ZNF98: variants seen among roughly 807,000 people sequenced by gnomAD.
The protein encoded by ZNF98 is zinc finger protein 98.
Under a neutral mutation model 12.8 loss-of-function variants are expected in ZNF98, and 8 were observed. The ratio of observed to expected loss-of-function variants is 0.63; its 90% confidence interval spans 0.37 to 1.13. The LOEUF is 1.13. Among genes scored for constraint, ZNF98 ranks in the 50% most tolerant of loss-of-function variants. ZNF98 has a pLI of 0.01. For missense variants in ZNF98, 379 were observed against 666.1 expected (o/e 0.57, Z 4.74); for synonymous variants, 112 against 223.5 (o/e 0.50, Z 4.45).
intron 3 of ZNF98, among the ~76,000 whole-genome samples, chr19:22,394,400 G>A (rs985939606): frequency 2.6e-5 from 4 of 151,946 alleles, no homozygotes; most frequent in South Asian, 2.1e-4. Context: ...CATTTATTGC[G>A]GCACTATTCA....
chr19:22,393,582 G>T (rs10425699), intron 3 of ZNF98, among the ~76,000 whole-genome samples: 63,540 of 151,342 alleles, frequency 0.42, 13,583 homozygotes, highest in Non-Finnish European at 0.46. Context: ...CAAGAAATGG[G>T]GAAAGGATTC....
intron 3 of ZNF98, among the ~76,000 whole-genome samples, chr19:22,402,166 A>T (rs1421324545): frequency 7.9e-6 from 1 of 127,062 alleles, no homozygotes; most frequent in African/African-American, 3.2e-5. Flanking sequence ...ACAGAGCAAG[A>T]CTCCATCTCA....
chr19:22,402,924 C>G (rs942696955), intron 2 of ZNF98, 40 bp from the exon 3 acceptor site: 2 of 1,520,276 alleles, frequency 1.3e-6, no homozygotes, highest in African/African-American at 2.8e-5. Flanking sequence ...CTCATATTCT[C>G]CAATTACCAA....
chr19:22,402,129 T>C (rs1191974052), intron 3 of ZNF98, among the ~76,000 whole-genome samples: 1 of 130,986 alleles, frequency 7.6e-6, no homozygotes, highest in African/African-American at 3.0e-5. Flanking sequence ...TTAGCCAAGA[T>C]GATGACACTC....
At chr19:22,411,327 G>A (rs567922021) in intron 1 of ZNF98, among the ~76,000 whole-genome samples, 13 of 152,244 alleles carry the variant, frequency 8.5e-5, no homozygotes, top group African/African-American at 2.2e-4. Context: ...GTGAGCCACC[G>A]CACCCAGCCC....
At chr19:22,421,509 T>G (rs1969703321) in intron 1 of ZNF98, among the ~76,000 whole-genome samples, 1 of 151,992 alleles carries the variant, frequency 6.6e-6, no homozygotes, top group South Asian at 2.1e-4. Context: ...TTAATAGAAA[T>G]TACTACATTG....
intron 1 of ZNF98, among the ~76,000 whole-genome samples, chr19:22,416,494 GT>G (rs1969644727): frequency 6.6e-6 from 1 of 151,616 alleles, no homozygotes; most frequent in African/African-American, 2.4e-5. Flanking sequence ...AAAGTATGGT[GT>G]CCGGGTGCAG....
chr19:22,401,627 G>A (rs1040065939), intron 3 of ZNF98, among the ~76,000 whole-genome samples: 1 of 151,692 alleles, frequency 6.6e-6, no homozygotes, highest in East Asian at 2.0e-4. Context: ...GGAATTACAG[G>A]CGCCTGTCAC....
At position 22,402,866 on chromosome 19, in the gene ZNF98, G is replaced by A. The variant is rs771905644; in HGVS notation, c.176C>T (p.Pro59Leu). The part of the protein sequence containing the change: ...LVFVGIAASK[P>L]DLITCLEQGK... Reference sequence around the variant, plus strand: ...TTGCTCCAGACAGGTGATCAGGTCTGGCTTAGAGGCAGCAATACCTGTTTT... The same window carrying A: ...TTGCTCCAGACAGGTGATCAGGTCTAGCTTAGAGGCAGCAATACCTGTTTT... Residue 59 changes from proline (P) to leucine (L), a missense_variant, in exon 3 of 4, where the codon CCA becomes CTA. Physicochemically the swap from Pro to Leu is moderately conservative, Grantham distance 98. Transcript: ENST00000357774. 9 of 1,578,756 alleles carry A rather than the reference G, an allele frequency of 5.7e-6. No individual in the cohort carries two copies. The South Asian group carries it at 9.5e-5, about 17-fold the overall frequency.
intron 3 of ZNF98, among the ~76,000 whole-genome samples, chr19:22,401,299 A>G (rs931580118): frequency 2.0e-5 from 3 of 152,144 alleles, no homozygotes; most frequent in Admixed American, 6.5e-5. Context: ...GGTTCCATAC[A>G]CTTTAAACAA....
Position 22,415,488 on chromosome 19 carries a change from T to C in ZNF98, c.30+6707A>G, listed in dbSNP as rs184752679. Among the ~76,000 whole-genome samples the C allele has an allele frequency of 1.8e-4, 27 of 152,184 alleles. No homozygotes were observed. In the East Asian group the frequency reaches 4.8e-3, roughly 27 times the overall value. ...TGTATACTGGATAAAGAAAATATGG[T>C]ATGGCTGGCCATGATGGCTCACACC... is the stretch of plus-strand genomic sequence containing the variant. On this transcript the variant is annotated intron_variant, in intron 1 of 3. Coordinates refer to ENST00000357774, the MANE Select transcript of ZNF98 (RefSeq NM_001098626.2).
intron 1 of ZNF98, among the ~76,000 whole-genome samples, chr19:22,405,489 G>A (rs1362744291): frequency 6.6e-6 from 1 of 152,098 alleles, no homozygotes; most frequent in Non-Finnish European, 1.5e-5. Flanking sequence ...AGAGCCATAC[G>A]GGGAAGGGGA....
intron 3 of ZNF98, among the ~76,000 whole-genome samples, chr19:22,397,191 T>C (rs1478877969): frequency 2.0e-5 from 1 of 50,770 alleles, no homozygotes; most frequent in East Asian, 6.5e-4. Context: ...TATGTACATC[T>C]GTGTGTGTGT....
At chr19:22,410,486 AAACT>A (rs1969569310) in intron 1 of ZNF98, among the ~76,000 whole-genome samples, 1 of 152,206 alleles carries the variant, frequency 6.6e-6, no homozygotes, top group Non-Finnish European at 1.5e-5. Context: ...CATCCTCAGC[AAACT>A]AACACAGGGA....
At chr19:22,419,124 T>C (rs1350907984) in intron 1 of ZNF98, among the ~76,000 whole-genome samples, 1 of 152,196 alleles carries the variant, frequency 6.6e-6, no homozygotes, top group Non-Finnish European at 1.5e-5. Context: ...TCTTGTTTGT[T>C]CCTTCCTTGT....
At chr19:22,394,940 G>C (rs1969372874) in intron 3 of ZNF98, among the ~76,000 whole-genome samples, 1 of 152,102 alleles carries the variant, frequency 6.6e-6, no homozygotes, top group South Asian at 2.1e-4. Context: ...GGGAGGCCAA[G>C]GTGGGAGGAT....
intron 3 of ZNF98, among the ~76,000 whole-genome samples, chr19:22,401,647 C>T (rs1465372146): frequency 1.3e-5 from 2 of 151,538 alleles, no homozygotes; most frequent in African/African-American, 2.4e-5. Flanking sequence ...CCACGCCTGA[C>T]TAATTTTTTG....
At chr19:22,420,204 G>A (rs536361240) in intron 1 of ZNF98, among the ~76,000 whole-genome samples, 1 of 152,084 alleles carries the variant, frequency 6.6e-6, no homozygotes, top group South Asian at 2.1e-4. Context: ...CTGACTCATG[G>A]GTCAATTCAG....
At chr19:22,411,558 G>T (rs1969580516) in intron 1 of ZNF98, among the ~76,000 whole-genome samples, 1 of 152,002 alleles carries the variant, frequency 6.6e-6, no homozygotes, top group South Asian at 2.1e-4. Flanking sequence ...ATAAATCTTT[G>T]CCAAAGCAAA....
Sources: allele counts gnomAD v4.1 joint callset (sites outside exome capture counted in the v4.1 genomes callset), GRCh38; gene constraint gnomAD v4.1.1; transcripts MANE v1.5; gene names NCBI Gene and HGNC (gene_info 2026-07-23, HGNC 2026-07-21).